WDR62: variants seen among roughly 807,000 people sequenced by gnomAD.
The protein encoded by WDR62 is WD repeat domain 62.
In WDR62, 112 loss-of-function variants were observed where a neutral mutation model predicts 160.6. The ratio of observed to expected loss-of-function variants is 0.70; its 90% CI spans 0.60 to 0.82. The LOEUF is 0.82. Ranked by LOEUF, WDR62 falls within the 40% of genes least tolerant of loss-of-function variation. The probability of loss-of-function intolerance (pLI) is 0.00; values close to 1 mark genes in which losing one functional copy is unlikely to be tolerated. For synonymous variants in WDR62, 792 were observed against 815.1 expected (o/e 0.97, Z 0.48); for missense variants, 1,819 against 1,983.8 (o/e 0.92, Z 1.58).
intron 13 of WDR62, among the ~76,000 whole-genome samples, chr19:36,087,114 C>T (rs906803218): frequency 6.6e-6 from 1 of 151,692 alleles, no homozygotes; most frequent in African/African-American, 2.4e-5. Flanking sequence ...TTTCTGTAAT[C>T]CCAGCTACTC....
intron 4 of WDR62, 89 bp from the exon 5 acceptor site, chr19:36,066,168 T>A: frequency 1.9e-6 from 3 of 1,599,310 alleles, no homozygotes; most frequent in Non-Finnish European, 2.6e-6. Context: ...TTTGGGCACA[T>A]CCTGTGGCAA....
Position 36,104,765 on chromosome 19 carries a change from C to A in WDR62, c.4312-3C>A, listed in dbSNP as rs779774440. ...CCCCTGACAAGGCTGGCATCCCTTG[C>A]AGTTGGTCTCCAGTGGCCAGGTGGA... On this transcript the variant is annotated splice_region_variant and splice_polypyrimidine_tract_variant and intron_variant, in intron 31 of 31. Coordinates refer to ENST00000401500, the MANE Select transcript of WDR62 (RefSeq NM_001083961.2). 2.5e-6 allele frequency: 4 copies of A among 1,613,660 alleles called. No individual in the cohort carries two copies. Among genetic ancestry groups the A allele is most frequent in the Non-Finnish European group, 3.4e-6 (4 of 1,180,038 alleles).
rs1263805468 is a variant in WDR62, at chr19:36,103,087, C to T, written c.3462+13C>T. On this transcript the variant is annotated intron_variant, in intron 28 of 31. Transcript: ENST00000401500. Reference sequence around the variant, plus strand: ...AGACAGGACCCACGTGAGTATTGGGCCCACCTCCGTCAGGGCACGGGGCTG... The same window carrying T: ...AGACAGGACCCACGTGAGTATTGGGTCCACCTCCGTCAGGGCACGGGGCTG... 1.2e-6 allele frequency: 2 copies of T among 1,614,024 alleles called. No individual in the cohort carries two copies. The highest frequency in any genetic ancestry group is 2.2e-5 in the East Asian group (1 of 44,882).
At chr19:36,082,275 A>G (rs939379036) in intron 10 of WDR62, among the ~76,000 whole-genome samples, 1 of 152,214 alleles carries the variant, frequency 6.6e-6, no homozygotes, top group African/African-American at 2.4e-5. Flanking sequence ...GCAGGGTGCT[A>G]GTAGGACATA....
chr19:36,083,226 G>A lies in WDR62; in HGVS notation c.1535G>A (p.Arg512Gln), dbSNP rs375417358. The change falls in exon 11 of 32, where the codon CGA becomes CAA. Residue 512 changes from arginine (R) to glutamine (Q), a missense_variant. Arg to Gln is a conservative substitution (Grantham distance 43). This residue lies in a region of WDR62 where 934 missense variants were observed against 1,157.2 expected (regional missense o/e 0.81). Transcript: ENST00000401500. ...PDGQHLASGD[R>Q]SGNLRIHELH... The stretch of plus-strand genomic sequence containing the variant: ...GGCCAGCATTTGGCTTCAGGCGACC[G>A]AAGTGGAAATCTGAGGCAAGTGGGC... 1.8e-5 allele frequency: 29 copies of A among 1,601,510 alleles called. No individual in the cohort carries two copies. The highest frequency in any genetic ancestry group is 2.2e-5 in the East Asian group (1 of 44,534).
At chr19:36,107,846 TAAG>T (rs1255153898), downstream of WDR62, among the ~76,000 whole-genome samples, 1 of 152,074 alleles carries the variant, frequency 6.6e-6, no homozygotes. Context: ...ACCACCTGGT[TAAG>T]AAGCCACTGC....
In WDR62 at chr19:36,104,649, C is replaced by T. The variant is rs1973629297; in HGVS notation, c.4285C>T (p.Gln1429Ter). 3 of 1,614,122 alleles carry T rather than the reference C, an allele frequency of 1.9e-6. No homozygotes were observed. The highest frequency in any genetic ancestry group is 3.3e-5 in the Admixed American group (2 of 60,022). ...NILHRLQTTF[Q>*]EALDLYRVLV... ...CTTGCACAGGCTGCAGACCACCTTC[C>T]AAGAAGCCCTCGACCTTTACCGTGT... The change falls in exon 31 of 32, where the codon CAA (glutamine) becomes TAA (stop). Residue 1429 changes from glutamine to a stop codon, truncating the protein, a stop_gained. Transcript: ENST00000401500. LOFTEE classifies it low-confidence loss of function (END_TRUNC).
chr19:36,081,470 C>T lies in WDR62; in HGVS notation c.1271C>T (p.Pro424Leu), dbSNP rs1971894079. ...TTTGAAGACCAGAGAGCTTGTTTGCCATCAGGATCCTTTCTGACTTGTTCT... is the reference window on the plus strand; with the variant it reads ...TTTGAAGACCAGAGAGCTTGTTTGCTATCAGGATCCTTTCTGACTTGTTCT... ...PEFEDQRACLPSGSFLTCSSD... is the reference protein window; with the variant it reads ...PEFEDQRACLLSGSFLTCSSD... Residue 424 changes from proline to leucine, a missense_variant, in exon 10 of 32, where the codon CCA becomes CTA. Coordinates refer to ENST00000401500, the MANE Select transcript of WDR62 (RefSeq NM_001083961.2). The T allele has an allele frequency of 6.2e-7, 1 of 1,614,066 alleles. No individual in the cohort carries two copies. Among genetic ancestry groups the T allele is most frequent in the Non-Finnish European group, 8.5e-7 (1 of 1,180,034 alleles).
chr19:36,058,054 T>C (rs1209775739), intron 1 of WDR62, among the ~76,000 whole-genome samples: 5 of 152,152 alleles, frequency 3.3e-5, no homozygotes, highest in African/African-American at 7.2e-5. Context: ...CTTTTATACA[T>C]ATAAAAGTAC....
In WDR62 at chr19:36,103,420, A is replaced by C; in HGVS notation, c.3592A>C (p.Thr1198Pro). 1 of 1,613,848 alleles carries C rather than the reference A, an allele frequency of 6.2e-7. No individual in the cohort carries two copies. Among genetic ancestry groups the C allele is most frequent in the Non-Finnish European group, 8.5e-7 (1 of 1,179,936 alleles). The stretch of plus-strand genomic sequence containing the variant: ...CACAGACAGGAATCTCCCAACGCCC[A>C]CATCTGCACCCACCCCAGGCCTGGC... ...LPTDRNLPTPTSAPTPGLAQG... is the reference protein window; with the variant it reads ...LPTDRNLPTPPSAPTPGLAQG... The change falls in exon 30 of 32, where the codon ACA (threonine) becomes CCA (proline). Residue 1198 changes from threonine (T) to proline (P), a missense_variant. Transcript: ENST00000401500.
intron 2 of WDR62, among the ~76,000 whole-genome samples, chr19:36,059,260 G>A (rs1297751220): frequency 6.6e-6 from 1 of 152,110 alleles, no homozygotes; most frequent in Non-Finnish European, 1.5e-5. Context: ...GCATAGTTGA[G>A]AAGACTGAAG....
At chr19:36,098,226 C>T (rs550503590) in intron 21 of WDR62, among the ~76,000 whole-genome samples, 3 of 151,322 alleles carry the variant, frequency 2.0e-5, no homozygotes, top group East Asian at 3.9e-4. Flanking sequence ...CGTGCTACTG[C>T]ACTCCAGCTT....
Position 36,066,245 on chromosome 19 carries a change from C to T in WDR62, c.391-12C>T, listed in dbSNP as rs1309017203. 3 of 1,613,948 alleles carry T rather than the reference C, an allele frequency of 1.9e-6. No individual in the cohort carries two copies. Among genetic ancestry groups the T allele is most frequent in the African/African-American group, 2.7e-5 (2 of 74,922 alleles). On this transcript the variant is annotated splice_polypyrimidine_tract_variant and intron_variant, in intron 4 of 31. Transcript: ENST00000401500. ...CAGAGCCCAGCAGCAGTAACGACCC[C>T]ACCTTCCCTAGAATGGGCATAGGCC...
rs1320946967 is a variant in WDR62 at position 36,104,501 on chromosome 19, C to T, written c.4154-17C>T. ...GGAATGCAGCTCATCTTGCTCATTC[C>T]CTTCTCTCTACCCCAGGTGCACTTG... On this transcript the variant is annotated splice_polypyrimidine_tract_variant and intron_variant, in intron 30 of 31. Coordinates refer to ENST00000401500, the MANE Select transcript of WDR62 (RefSeq NM_001083961.2). The T allele has an allele frequency of 6.2e-7, 1 of 1,613,108 alleles. No individual in the cohort carries two copies. Among genetic ancestry groups the T allele is most frequent in the Non-Finnish European group, 8.5e-7 (1 of 1,179,614 alleles).
rs141895633 is a variant in WDR62 at position 36,084,729 on chromosome 19, T to C, written c.1627T>C (p.Ser543Pro). 5.0e-6 allele frequency: 8 copies of C among 1,612,334 alleles called. No individual in the cohort carries two copies. Among genetic ancestry groups the C allele is most frequent in the East Asian group, 2.2e-5 (1 of 44,860 alleles). ...HDAEVLCLEY[S>P]KPETGLTLLA... ...TGCTGAGGTGCTGTGCCTGGAGTAC[T>C]CCAAGCCAGAGACGGGTGAGCCCGC... Residue 543 changes from serine (S) to proline (P), a missense_variant, in exon 12 of 32, where the codon TCC becomes CCC. Physicochemically the swap from Ser to Pro is moderately conservative, Grantham distance 74 (BLOSUM62 -1). Coordinates refer to ENST00000401500, the MANE Select transcript of WDR62 (RefSeq NM_001083961.2).
chr19:36,103,486 G>T lies in WDR62; in HGVS notation c.3658G>T (p.Ala1220Ser), dbSNP rs1973520864. The T allele has an allele frequency of 1.2e-6, 2 of 1,613,990 alleles. No individual in the cohort carries two copies. The highest frequency in any genetic ancestry group is 1.3e-5 in the African/African-American group (1 of 74,906). Residue 1220 changes from alanine (A) to serine (S), a missense_variant, in exon 30 of 32, where the codon GCC becomes TCC. Transcript: ENST00000401500. ...HAPSTCSYME[A>S]TASSRARISR... is the part of the protein sequence containing the mutation. ...CCCCTCCACCTGTTCCTACATGGAG[G>T]CCACTGCCAGCTCCCGTGCCAGGAT...
At position 36,102,953 on chromosome 19, in the gene WDR62, C is replaced by T. The variant is rs1022575435; in HGVS notation, c.3341C>T (p.Thr1114Ile). 1 of 1,614,158 alleles carries T rather than the reference C, an allele frequency of 6.2e-7. No homozygotes were observed. The highest frequency in any genetic ancestry group is 2.2e-5 in the East Asian group (1 of 44,886). Reference sequence around the variant, plus strand: ...CCCTGCTCTCCTCCCCACAGGTTCACCCATACCTTCCCTCCCCGGGCAACC... The same window carrying T: ...CCCTGCTCTCCTCCCCACAGGTTCATCCATACCTTCCCTCCCCGGGCAACC... ...LSSLQKASRF[T>I]HTFPPRATQC... is the part of the protein sequence containing the mutation. Residue 1114 changes from threonine (T) to isoleucine (I), a missense_variant, in exon 28 of 32, where the codon ACC becomes ATC. Coordinates refer to ENST00000401500, the MANE Select transcript of WDR62 (RefSeq NM_001083961.2).
intron 12 of WDR62, 120 bp from the exon 13 acceptor site, chr19:36,086,567 A>T (rs1217276506): frequency 2.7e-5 from 36 of 1,310,892 alleles, no homozygotes; most frequent in Non-Finnish European, 3.8e-5. Flanking sequence ...CAAGTTGGCT[A>T]CAGTTGAAGA....
intron 15 of WDR62, 152 bp downstream of exon 15, chr19:36,089,458 T>G (rs1042361896): frequency 1.8e-5 from 24 of 1,336,114 alleles, no homozygotes; most frequent in Non-Finnish European, 2.5e-5. Flanking sequence ...GTTTTTGTTT[T>G]TGAGGCAGAG....
Sources: gnomAD v4.1 joint callset for allele counts (sites outside exome capture counted in the v4.1 genomes callset) on GRCh38, gnomAD v4.1.1 for gene constraint, gnomAD v4.1.1 regional missense constraint, MANE v1.5 for transcripts, NCBI Gene and HGNC (gene_info 2026-07-23, HGNC 2026-07-21) for gene names.